DIPK2A: variants seen among roughly 807,000 people sequenced by gnomAD.
DIPK2A encodes Golgi Protein of 49 kDa.
Under a neutral mutation model 39.0 loss-of-function variants are expected in DIPK2A, and 27 were observed. The observed-to-expected ratio is 0.69, with a 90% confidence interval of 0.51 to 0.96. The LOEUF is 0.96. Ranked by LOEUF, DIPK2A falls within the 40% of genes least tolerant of loss-of-function variation. The pLI is 0.00. For missense variants in DIPK2A, 528 were observed against 571.3 expected, an observed-to-expected ratio of 0.92 and a Z score of 0.77; for synonymous variants, 298 against 240.8, an observed-to-expected ratio of 1.24 and a Z score of -2.20.
intron 2 of DIPK2A, among the ~76,000 whole-genome samples, chr3:143,986,490 C>T (rs1005846434): frequency 5.3e-5 from 8 of 151,978 alleles, no homozygotes; most frequent in African/African-American, 1.7e-4. Context: ...TTTGGGAGGC[C>T]GAGGCGGGCG....
At chr3:143,975,485 GGT>G in intron 1 of DIPK2A, among the ~76,000 whole-genome samples, 2 of 152,092 alleles carry the variant, frequency 1.3e-5, no homozygotes, top group Middle Eastern at 6.8e-3. Flanking sequence ...CAAAATGAAA[GGT>G]ATCTCAACAT....
chr3:143,987,961 A>G (rs1206235224), intron 2 of DIPK2A, among the ~76,000 whole-genome samples: 4 of 152,212 alleles, frequency 2.6e-5, no homozygotes. Context: ...CTTTTGGAAT[A>G]GTAACCTTCA....
chr3:143,973,242 C>G, intron 1 of DIPK2A: 1 of 1,169,792 alleles, frequency 8.5e-7, no homozygotes, highest in Non-Finnish European at 1.2e-6. Context: ...GTGGATCTTT[C>G]AACGCCAGAG....
intron 1 of DIPK2A, among the ~76,000 whole-genome samples, chr3:143,975,259 T>G (rs1474921291): frequency 5.3e-5 from 8 of 152,146 alleles, no homozygotes; most frequent in Non-Finnish European, 4.4e-5. Context: ...ACATACTGTG[T>G]AATATAATTT....
intron 2 of DIPK2A, among the ~76,000 whole-genome samples, chr3:143,987,664 ATCT>A (rs1241140007): frequency 2.6e-5 from 4 of 152,260 alleles, no homozygotes; most frequent in Non-Finnish European, 5.9e-5. Context: ...TACATCAGTT[ATCT>A]TCTTCAGTGT....
chr3:143,976,555 T>TGTGAGAGAGAGAGAGAGAGAGA (rs1304250535), intron 1 of DIPK2A, among the ~76,000 whole-genome samples: 4 of 118,044 alleles, frequency 3.4e-5, no homozygotes, highest in South Asian at 2.5e-4. Context: ...TGTGTGTGTG[T>TGTGAGAGAGAGAGAGAGAGAGA]GAGAGAGAGA....
chr3:143,976,433 A>G (rs974728109), intron 1 of DIPK2A, among the ~76,000 whole-genome samples: 13 of 151,992 alleles, frequency 8.6e-5, no homozygotes, highest in Non-Finnish European at 1.5e-4. Flanking sequence ...GAAGTATTCA[A>G]AAATTGAGTT....
chr3:143,976,553 T>TGTGTGA (rs1553740437), intron 1 of DIPK2A, among the ~76,000 whole-genome samples: 2 of 103,596 alleles, frequency 1.9e-5, no homozygotes, highest in African/African-American at 5.6e-5. Flanking sequence ...TGTGTGTGTG[T>TGTGTGA]GTGAGAGAGA....
rs75387516 is a variant in DIPK2A, at chr3:143,978,224, T to A, written c.657+5235T>A. On this transcript the variant is annotated intron_variant, in intron 1 of 2. Coordinates refer to ENST00000315691, the MANE Select transcript of DIPK2A (RefSeq NM_173552.5). ...CTCTTCACAGAATGCTATTTTTTTC[T>A]TTCTTCAGCTTTCACTCATTACCCA... Among the ~76,000 whole-genome samples the A allele has an allele frequency of 3.9e-3, 587 of 152,212 alleles. 6 individuals carry two copies. Among genetic ancestry groups the A allele is most frequent in the African/African-American group, 0.013 (556 of 41,540 alleles).
Position 143,985,807 on chromosome 3 carries a change from G to A in DIPK2A, c.922G>A (p.Glu308Lys), listed in dbSNP as rs2107846945. 1.2e-6 allele frequency: 2 copies of A among 1,613,498 alleles called. No individual in the cohort carries two copies. Among genetic ancestry groups the A allele is most frequent in the Non-Finnish European group, 1.7e-6 (2 of 1,179,642 alleles). Residue 308 changes from glutamate to lysine, a missense_variant, in exon 2 of 3, where the codon GAA becomes AAA. Physicochemically the swap from Glu to Lys is moderately conservative, Grantham distance 56 (BLOSUM62 1). Coordinates refer to ENST00000315691, the MANE Select transcript of DIPK2A (RefSeq NM_173552.5). The part of the protein sequence containing the change: ...RDGKVIIVDA[E>K]NVLVADKRLI... ...TGGGAAGGTAATCATTGTGGATGCT[G>A]AAAATGTTTTGGTTGCTGACAAAAG...
Position 143,972,140 on chromosome 3 carries a change from G to A in DIPK2A, c.-193G>A. The A allele has an allele frequency of 2.3e-6, 1 of 436,014 alleles. No individual in the cohort carries two copies. The highest frequency in any genetic ancestry group is 3.9e-6 in the Non-Finnish European group (1 of 255,060). The allele number at this position is 436,014 out of a possible 1,614,324, so 27.0% of individuals were successfully genotyped here. A position where few individuals can be genotyped will look rare whatever the true frequency, so the allele number is the denominator to read the frequency against. ...TTGTGGAGACTAGTGACTGGGAGAA[G>A]TCGCAGCCCGCTCAGGCCCGCGCCT... On this transcript the variant is annotated 5_prime_UTR_variant, in exon 1 of 3. Coordinates refer to ENST00000315691, the MANE Select transcript of DIPK2A (RefSeq NM_173552.5).
At position 143,972,998 on chromosome 3, in the gene DIPK2A, G is replaced by A. The variant is rs2087680054; in HGVS notation, c.657+9G>A. The A allele has an allele frequency of 1.3e-6, 2 of 1,573,176 alleles. No individual in the cohort carries two copies. Among genetic ancestry groups the A allele is most frequent in the Middle Eastern group, 2.2e-4 (1 of 4,470 alleles). ...AGCCGCTGGTGCTACAGGTAGGCGC[G>A]GAGCCAGGGCAGGGGGCGTCCTGGG... On this transcript the variant is annotated intron_variant, in intron 1 of 2. Transcript: ENST00000315691.
chr3:143,978,654 A>ATATCTATATATATATATC, intron 1 of DIPK2A: 1 of 42,762 alleles, frequency 2.3e-5, no homozygotes, highest in Non-Finnish European at 4.1e-5. Context: ...ATATATATAT[A>ATATCTATATATATATATC]TATATCTATA....
chr3:143,973,683 C>T, intron 1 of DIPK2A: 3 of 714,336 alleles, frequency 4.2e-6, no homozygotes, highest in Non-Finnish European at 7.4e-6. Flanking sequence ...CATCCTGATC[C>T]TGTGACCTGC....
chr3:143,986,309 C>T (rs2087898805), intron 2 of DIPK2A, among the ~76,000 whole-genome samples: 1 of 152,024 alleles, frequency 6.6e-6, no homozygotes, highest in Non-Finnish European at 1.5e-5. Flanking sequence ...TTTGATGATC[C>T]CTGGCACTGC....
chr3:143,972,214 C>A lies in DIPK2A; in HGVS notation c.-119C>A. On this transcript the variant is annotated 5_prime_UTR_variant, in exon 1 of 3. Transcript: ENST00000315691. Reference sequence around the variant, plus strand: ...CACACACCTACTCCGCCCTCCGCCCCAGCCCGCGCGCTAGCTCCTTCTCTC... The same window carrying A: ...CACACACCTACTCCGCCCTCCGCCCAAGCCCGCGCGCTAGCTCCTTCTCTC... The A allele has an allele frequency of 1.0e-6, 1 of 963,214 alleles. No homozygotes were observed. Among genetic ancestry groups the A allele is most frequent in the South Asian group, 2.6e-5 (1 of 37,998 alleles). The allele number at this position is 963,214 out of a possible 1,614,324, so 59.7% of individuals were successfully genotyped here.
rs184279285 is a variant in DIPK2A at position 143,975,631 on chromosome 3, C to T, written c.657+2642C>T. ...CTGTTTATAGCTGTTTACAGTAATA[C>T]TGGGATATTAATTGATACAGAAAAA... On this transcript the variant is annotated intron_variant, in intron 1 of 2. Coordinates refer to ENST00000315691, the MANE Select transcript of DIPK2A (RefSeq NM_173552.5). Among the ~76,000 whole-genome samples the T allele has an allele frequency of 2.4e-4, 29 of 122,182 alleles. No individual in the cohort carries two copies. The East Asian group carries it at 5.2e-3, about 22-fold the overall frequency. The allele number at this position is 122,182 out of a possible 152,430, so 80.2% of individuals were successfully genotyped here.
intron 2 of DIPK2A, among the ~76,000 whole-genome samples, chr3:143,989,019 C>T (rs2087945395): frequency 6.6e-6 from 1 of 152,226 alleles, no homozygotes; most frequent in African/African-American, 2.4e-5. Context: ...CACACTCTAG[C>T]CACAGTGAAC....
At position 143,972,348 on chromosome 3, in the gene DIPK2A, C is replaced by T. The variant is rs963537997; in HGVS notation, c.16C>T (p.Pro6Ser). 4.4e-6 allele frequency: 6 copies of T among 1,353,964 alleles called. No individual in the cohort carries two copies. Among genetic ancestry groups the T allele is most frequent in the Non-Finnish European group, 5.7e-6 (6 of 1,056,372 alleles). The allele number at this position is 1,353,964 out of a possible 1,614,324, so 83.9% of individuals were successfully genotyped here. A position where few individuals can be genotyped will look rare whatever the true frequency, so the allele number is the denominator to read the frequency against. The change falls in exon 1 of 3, where the codon CCC (proline) becomes TCC (serine). Residue 6 changes from proline to serine, a missense_variant. This residue lies in a region of DIPK2A where 309 missense variants were observed against 289.8 expected (regional missense o/e 1.07). Transcript: ENST00000315691. Reference sequence around the variant, plus strand: ...GGCGGGCGGTATGTGGCGCCTGGTGCCCCCGAAGCTGGGCCGCCTGTCCCG... The same window carrying T: ...GGCGGGCGGTATGTGGCGCCTGGTGTCCCCGAAGCTGGGCCGCCTGTCCCG... Reference protein sequence around the residue: MWRLVPPKLGRLSRSL... With the variant: MWRLVSPKLGRLSRSL...
Sources: allele counts gnomAD v4.1 joint callset (sites outside exome capture counted in the v4.1 genomes callset), GRCh38; gene constraint gnomAD v4.1.1; regional missense constraint gnomAD v4.1.1; transcripts MANE v1.5; gene names NCBI Gene and HGNC (gene_info 2026-07-23, HGNC 2026-07-21).